Variants in ABCD3 observed in about 807,000 individuals in gnomAD.
ABCD3 encodes ATP-binding cassette sub-family D member 3.
Under a neutral mutation model 105.5 loss-of-function variants are expected in ABCD3, and 41 were observed. That is an observed-to-expected ratio of 0.39 (90% confidence interval 0.30 to 0.50). The LOEUF (loss-of-function observed/expected upper bound fraction) is 0.50, where lower values mean the gene tolerates loss of function less well. Ranked by LOEUF, ABCD3 falls within the 20% of genes least tolerant of loss-of-function variation. The probability of loss-of-function intolerance (pLI) is 0.84; values close to 1 mark genes in which losing one functional copy is unlikely to be tolerated. For synonymous variants in ABCD3, 258 were observed against 269.0 expected, an observed-to-expected ratio of 0.96 and a Z score of 0.40; for missense variants, 622 against 806.3, an observed-to-expected ratio of 0.77 and a Z score of 2.77.
At chr1:94,409,451 A>G in the ABCD3 span, among the ~76,000 whole-genome samples, 64 of 152,338 alleles carry the variant, frequency 4.2e-4, no homozygotes, top group African/African-American at 1.5e-3. Context: ...CTGATAGATC[A>G]TTGATACATT....
chr1:94,496,571 A>G (rs1362257249), intron 16 of ABCD3, among the ~76,000 whole-genome samples: 1 of 151,398 alleles, frequency 6.6e-6, no homozygotes, highest in East Asian at 1.9e-4. Context: ...CCATTTTGTC[A>G]CAGTAAAAGT....
At chr1:94,503,364 C>G (rs1206401569) in intron 20 of ABCD3, among the ~76,000 whole-genome samples, 2 of 152,148 alleles carry the variant, frequency 1.3e-5, no homozygotes, top group South Asian at 4.2e-4. Context: ...TAACTGTGTG[C>G]TGCTCTGTCC....
chr1:94,449,781 T>C (rs1051432670), intron 1 of ABCD3, among the ~76,000 whole-genome samples: 8 of 152,232 alleles, frequency 5.3e-5, no homozygotes, highest in Admixed American at 3.3e-4. Flanking sequence ...GCCACACTTA[T>C]GTTCAGCTGG....
intron 10 of ABCD3, 117 bp downstream of exon 10, chr1:94,483,356 T>C (rs1398962237): frequency 1.1e-5 from 8 of 738,694 alleles, no homozygotes; most frequent in Non-Finnish European, 1.9e-5. Context: ...TGTATACATA[T>C]CTTAAAGATT....
rs1329549446 is a variant in ABCD3, at chr1:94,490,026, T to C, written c.1322+51T>C. On this transcript the variant is annotated intron_variant, in intron 15 of 22. Transcript: ENST00000370214. ...CACCATAAATGTTTGTTAAACTTCA[T>C]AGTAGTCTTTCTTTTTCAGCTTACA... 2 of 1,492,072 alleles carry C rather than the reference T, an allele frequency of 1.3e-6. 1 individual carries two copies. Among genetic ancestry groups the C allele is most frequent in the East Asian group, 4.5e-5 (2 of 44,168 alleles). 92.4% of individuals were successfully genotyped at this position (1,492,072 alleles called of 1,614,324 possible). A position where few individuals can be genotyped will look rare whatever the true frequency, so the allele number is the denominator to read the frequency against.
intron 1 of ABCD3, among the ~76,000 whole-genome samples, chr1:94,444,743 G>T (rs1660283914): frequency 1.3e-5 from 2 of 152,198 alleles, no homozygotes; most frequent in South Asian, 4.1e-4. Flanking sequence ...TGGCTGGGCA[G>T]TTCCTCTGCT....
At chr1:94,405,556 G>A in the ABCD3 span, among the ~76,000 whole-genome samples, 1 of 151,950 alleles carries the variant, frequency 6.6e-6, no homozygotes, top group African/African-American at 2.4e-5. Context: ...CACCTGCCTC[G>A]GCCTCCCAAA....
At chr1:94,488,507 T>A (rs1361096791) in intron 13 of ABCD3, among the ~76,000 whole-genome samples, 1 of 152,038 alleles carries the variant, frequency 6.6e-6, no homozygotes, top group African/African-American at 2.4e-5. Context: ...AATATTAAGA[T>A]TTCAGTATTT....
chr1:94,487,852 T>C, intron 12 of ABCD3, 40 bp from the exon 13 acceptor site: 1 of 1,608,188 alleles, frequency 6.2e-7, no homozygotes, highest in Non-Finnish European at 8.5e-7. Flanking sequence ...TTTTTAGTCA[T>C]AGAACTATAA....
At chr1:94,475,784 T>A in intron 7 of ABCD3, 47 bp downstream of exon 7, 1 of 1,502,244 alleles carries the variant, frequency 6.7e-7, no homozygotes, top group Non-Finnish European at 9.2e-7. Flanking sequence ...ATTTTTTGAA[T>A]TTTGAATCTA....
intron 13 of ABCD3, among the ~76,000 whole-genome samples, chr1:94,488,592 A>G (rs1649380664): frequency 6.6e-6 from 1 of 152,020 alleles, no homozygotes; most frequent in Non-Finnish European, 1.5e-5. Context: ...AAGTTTGATG[A>G]CTGAATATCT....
At chr1:94,499,929 G>T (rs1650010714) in intron 20 of ABCD3, among the ~76,000 whole-genome samples, 1 of 152,020 alleles carries the variant, frequency 6.6e-6, no homozygotes, top group South Asian at 2.1e-4. Context: ...ATCCTGGCTG[G>T]GTTATGAAAT....
Position 94,498,958 on chromosome 1 carries a change from C to G in ABCD3, c.1544C>G (p.Thr515Ser). The G allele has an allele frequency of 6.2e-7, 1 of 1,613,848 alleles. No individual in the cohort carries two copies. The highest frequency in any genetic ancestry group is 1.1e-5 in the South Asian group (1 of 91,070). Residue 515 changes from threonine (T) to serine (S), a missense_variant, in exon 19 of 23, where the codon ACC (threonine) becomes AGC (serine). Thr to Ser is a moderately conservative substitution (Grantham distance 58). Around this residue, in one of 4 missense-constraint regions of ABCD3, gnomAD observed 285 missense variants for 352.5 expected, o/e 0.81. Transcript: ENST00000370214. ...TACTACTGTCAGAGACCTTACATGA[C>G]CCTTGGAACACTTCGAGATCAAGTG... ...LFYVPQRPYM[T>S]LGTLRDQVIY...
At chr1:94,409,565 T>C in the ABCD3 span, among the ~76,000 whole-genome samples, 1 of 152,216 alleles carries the variant, frequency 6.6e-6, no homozygotes, top group Non-Finnish European at 1.5e-5. Context: ...ATAATTACCA[T>C]ATACCGTTAT....
At chr1:94,480,032 T>C (rs1170823773) in intron 8 of ABCD3, among the ~76,000 whole-genome samples, 1 of 151,860 alleles carries the variant, frequency 6.6e-6, no homozygotes, top group African/African-American at 2.4e-5. Flanking sequence ...GTGATAGGAC[T>C]AGAGGTATAG....
At chr1:94,471,284 G>A (rs1648444626) in intron 4 of ABCD3, among the ~76,000 whole-genome samples, 1 of 152,112 alleles carries the variant, frequency 6.6e-6, no homozygotes, top group East Asian at 1.9e-4. Flanking sequence ...GGGGCTGGGT[G>A]TGGTGGCTCA....
chr1:94,505,875 CA>C (rs1557691423), intron 20 of ABCD3, among the ~76,000 whole-genome samples: 2 of 152,042 alleles, frequency 1.3e-5, no homozygotes, highest in African/African-American at 4.8e-5. Flanking sequence ...GAGATCTTGT[CA>C]GGGGGCAGAT....
chr1:94,387,409 C>T, the ABCD3 span, among the ~76,000 whole-genome samples: 1 of 152,214 alleles, frequency 6.6e-6, no homozygotes, highest in African/African-American at 2.4e-5. Context: ...CTCCCTGCTG[C>T]ATCCCACATG....
chr1:94,391,878 A>T, the ABCD3 span, among the ~76,000 whole-genome samples: 2 of 152,228 alleles, frequency 1.3e-5, no homozygotes, highest in Non-Finnish European at 2.9e-5. Flanking sequence ...GCAAATGAAG[A>T]CTTGGCTCAC....
Sources: gnomAD v4.1 joint callset for allele counts (sites outside exome capture counted in the v4.1 genomes callset) on GRCh38, gnomAD v4.1.1 for gene constraint, gnomAD v4.1.1 regional missense constraint, MANE v1.5 for transcripts, NCBI Gene and HGNC (gene_info 2026-07-23, HGNC 2026-07-21) for gene names.